REC114: variants seen among roughly 807,000 people sequenced by gnomAD.
The protein encoded by REC114 is REC114 meiotic recombination protein.
A neutral mutation model predicts 31.3 loss-of-function variants in REC114; 27 were observed. The ratio of observed to expected loss-of-function variants is 0.86; its 90% CI spans 0.64 to 1.19. The LOEUF (loss-of-function observed/expected upper bound fraction) is 1.19, where lower values mean the gene tolerates loss of function less well. Among genes scored for constraint, REC114 ranks in the 50% most tolerant of loss-of-function variants. REC114 has a pLI of 0.00. For synonymous variants in REC114, 134 were observed against 127.7 expected (o/e 1.05, Z -0.33); for missense variants, 344 against 326.9 (o/e 1.05, Z -0.40).
chr15:73,447,348 G>A (rs1892778958), intron 1 of REC114, among the ~76,000 whole-genome samples: 1 of 152,158 alleles, frequency 6.6e-6, no homozygotes, highest in African/African-American at 2.4e-5. Context: ...GTGAGATTCG[G>A]GACCAAGCTT....
At chr15:73,471,098 T>C (rs190739294) in intron 1 of REC114, among the ~76,000 whole-genome samples, 8 of 152,318 alleles carry the variant, frequency 5.3e-5, no homozygotes, top group Non-Finnish European at 8.8e-5. Flanking sequence ...ATCTGACTTA[T>C]ATTTTTAAAG....
chr15:73,469,679 T>C (rs1449890075), intron 1 of REC114, among the ~76,000 whole-genome samples: 2 of 142,128 alleles, frequency 1.4e-5, no homozygotes, highest in Non-Finnish European at 3.0e-5. Context: ...AGCCTTAGAC[T>C]CTTTTTTTTT....
intron 2 of REC114, among the ~76,000 whole-genome samples, chr15:73,507,857 A>G (rs1350762614): frequency 1.3e-5 from 2 of 152,204 alleles, no homozygotes. Context: ...ATACAGAAGT[A>G]TGTTCAATCT....
chr15:73,514,959 T>G (rs1468780349), intron 2 of REC114, among the ~76,000 whole-genome samples: 1 of 148,462 alleles, frequency 6.7e-6, no homozygotes, highest in Admixed American at 6.8e-5. Flanking sequence ...TGAGACAAGG[T>G]CTCACTCTGT....
intron 2 of REC114, among the ~76,000 whole-genome samples, chr15:73,531,590 G>A (rs915746662): frequency 6.6e-6 from 1 of 152,208 alleles, no homozygotes. Flanking sequence ...ATGGGTCAAA[G>A]TGTGTTAGGA....
chr15:73,559,505 T>C (rs1004935218), intron 5 of REC114, among the ~76,000 whole-genome samples: 2 of 152,234 alleles, frequency 1.3e-5, no homozygotes, highest in African/African-American at 4.8e-5. Flanking sequence ...CATCAGTACA[T>C]TTGAAATTCT....
chr15:73,536,753 A>T (rs555366534), intron 2 of REC114, among the ~76,000 whole-genome samples: 1 of 152,236 alleles, frequency 6.6e-6, no homozygotes, highest in Non-Finnish European at 1.5e-5. Context: ...GAACATTAGC[A>T]TAAGTCAAAT....
At chr15:73,550,884 G>A (rs1176853992) in intron 3 of REC114, 54 bp from the exon 4 acceptor site, 13 of 1,559,536 alleles carry the variant, frequency 8.3e-6, no homozygotes, top group Non-Finnish European at 1.1e-5. Flanking sequence ...AGACCCCAAA[G>A]TAAATAGTTA....
chr15:73,549,193 T>C (rs576863898), intron 3 of REC114, among the ~76,000 whole-genome samples: 2 of 152,258 alleles, frequency 1.3e-5, no homozygotes, highest in South Asian at 2.1e-4. Context: ...AAAAAAATTA[T>C]GAGATCTTGT....
chr15:73,485,166 C>G (rs1408010025), intron 2 of REC114, among the ~76,000 whole-genome samples: 3 of 152,170 alleles, frequency 2.0e-5, no homozygotes, highest in Non-Finnish European at 4.4e-5. Context: ...TCACTGCAAC[C>G]TCTGCCTCCC....
At chr15:73,456,157 A>G (rs1424928435) in intron 1 of REC114, among the ~76,000 whole-genome samples, 2 of 152,208 alleles carry the variant, frequency 1.3e-5, no homozygotes, top group Non-Finnish European at 2.9e-5. Flanking sequence ...CTGAAAAGAT[A>G]TAATAACAGA....
At chr15:73,512,735 TTGAAAA>T (rs1387616515) in intron 2 of REC114, among the ~76,000 whole-genome samples, 1 of 122,632 alleles carries the variant, frequency 8.2e-6, no homozygotes, top group East Asian at 2.4e-4. Flanking sequence ...AAATTCTGGG[TTGAAAA>T]TTCTTTTCTT....
At chr15:73,467,647 T>A (rs1322344659) in intron 1 of REC114, among the ~76,000 whole-genome samples, 1 of 152,244 alleles carries the variant, frequency 6.6e-6, no homozygotes, top group Non-Finnish European at 1.5e-5. Context: ...ATGCTTGGCA[T>A]ATAGTCTCTT....
At chr15:73,464,790 T>C (rs891051486) in intron 1 of REC114, among the ~76,000 whole-genome samples, 3 of 152,160 alleles carry the variant, frequency 2.0e-5, no homozygotes, top group African/African-American at 7.2e-5. Flanking sequence ...GCTTAGTACC[T>C]CCTTTCTCCT....
At chr15:73,484,091 TA>T (rs914635674) in intron 2 of REC114, 1 of 152,226 alleles carries the variant, frequency 6.6e-6, no homozygotes, top group Non-Finnish European at 1.5e-5. Context: ...GTTGTTTTTT[TA>T]AAATGATAAT....
chr15:73,551,273 G>C (rs898469586), intron 4 of REC114, 123 bp downstream of exon 4: 2 of 999,808 alleles, frequency 2.0e-6, no homozygotes, highest in African/African-American at 3.3e-5. Context: ...ATCTATGTTC[G>C]GTGACTTTTT....
At chr15:73,545,612 C>T (rs1894297558) in intron 3 of REC114, among the ~76,000 whole-genome samples, 1 of 152,118 alleles carries the variant, frequency 6.6e-6, no homozygotes, top group South Asian at 2.1e-4. Context: ...AACAAGACTT[C>T]AGTTAGGCTA....
intron 1 of REC114, among the ~76,000 whole-genome samples, chr15:73,466,245 G>C (rs1447555812): frequency 6.6e-6 from 1 of 151,356 alleles, no homozygotes; most frequent in Non-Finnish European, 1.5e-5. Context: ...AATAAGTGAA[G>C]TTTTTTTAAG....
intron 2 of REC114, among the ~76,000 whole-genome samples, chr15:73,535,380 C>T (rs1004371820): frequency 2.6e-5 from 4 of 152,058 alleles, no homozygotes; most frequent in Admixed American, 2.6e-4. Context: ...TTCTTATACA[C>T]CAGCAACAGA....
Sources: gnomAD v4.1 joint callset for allele counts (sites outside exome capture counted in the v4.1 genomes callset) on GRCh38, gnomAD v4.1.1 for gene constraint, MANE v1.5 for transcripts, NCBI Gene and HGNC (gene_info 2026-07-23, HGNC 2026-07-21) for gene names.